The following ZFHX3 variants were observed in gnomAD, a reference collection of about 807,000 sequenced individuals.
ZFHX3 encodes zinc finger homeobox protein 3.
Under a neutral mutation model 279.1 loss-of-function variants are expected in ZFHX3, and 42 were observed. The observed-to-expected ratio is 0.15, with a 90% CI of 0.12 to 0.19. ZFHX3 has a LOEUF of 0.19. ZFHX3 is among the 10% of genes least tolerant of loss of function. ZFHX3 has a pLI of 1.00. For synonymous variants in ZFHX3, 2,293 were observed against 1,957.8 expected (o/e 1.17, Z -4.52); for missense variants, 4,981 against 4,754.0 (o/e 1.05, Z -1.40).
chr16:72,885,274 C>T (rs1044662118), intron 4 of ZFHX3, among the ~76,000 whole-genome samples: 13 of 152,250 alleles, frequency 8.5e-5, no homozygotes, highest in Non-Finnish European at 1.5e-4. Context: ...ACACAGCTGG[C>T]GGCCAAGGCT....
intron 3 of ZFHX3, among the ~76,000 whole-genome samples, chr16:72,933,327 T>G (rs949326612): frequency 1.3e-5 from 2 of 151,792 alleles, no homozygotes; most frequent in African/African-American, 2.4e-5. Context: ...CCCAGAGGAG[T>G]AGGAAGGTGG....
At chr16:73,466,551 T>C (rs1353162145) in intron 2 of ZFHX3, among the ~76,000 whole-genome samples, 2 of 152,156 alleles carry the variant, frequency 1.3e-5, no homozygotes, top group African/African-American at 4.8e-5. Flanking sequence ...CAAGCTTGAT[T>C]TAGTTACTTA....
At chr16:73,046,860 C>T (rs1396452427) in intron 1 of ZFHX3, among the ~76,000 whole-genome samples, 2 of 142,548 alleles carry the variant, frequency 1.4e-5, no homozygotes, top group African/African-American at 2.7e-5. Flanking sequence ...CTGTCAGTGG[C>T]TTTAGGGAGT....
At chr16:73,066,629 C>A (rs1448623091) in intron 8 of ZFHX3, among the ~76,000 whole-genome samples, 1 of 152,168 alleles carries the variant, frequency 6.6e-6, no homozygotes, top group East Asian at 1.9e-4. Flanking sequence ...TTCGATCACC[C>A]CATTATGCCC....
At chr16:73,065,266 G>A (rs1211732201) in intron 8 of ZFHX3, among the ~76,000 whole-genome samples, 2 of 152,190 alleles carry the variant, frequency 1.3e-5, no homozygotes, top group Non-Finnish European at 2.9e-5. Context: ...ACACGCAGGC[G>A]TGCGATAACG....
intron 2 of ZFHX3, among the ~76,000 whole-genome samples, chr16:73,475,698 C>G (rs1567495176): frequency 6.6e-6 from 1 of 152,032 alleles, no homozygotes. Context: ...TGAGAAAATA[C>G]TTTCTCCAAA....
intron 1 of ZFHX3, among the ~76,000 whole-genome samples, chr16:72,965,566 G>A (rs1383932043): frequency 6.6e-6 from 1 of 152,200 alleles, no homozygotes; most frequent in Non-Finnish European, 1.5e-5. Context: ...TGTACTATGT[G>A]TCAGTCAGAT....
At chr16:73,705,452 C>T (rs1418181134) in intron 1 of ZFHX3, among the ~76,000 whole-genome samples, 3 of 152,184 alleles carry the variant, frequency 2.0e-5, no homozygotes, top group Non-Finnish European at 2.9e-5. Flanking sequence ...CCAGTATACT[C>T]TGATGCTGCA....
rs748558508 is a variant in ZFHX3 at position 72,798,102 on chromosome 16, A to G, written c.4580T>C (p.Phe1527Ser). ...CATAGTAAAATTGGGACCTTTTCTGAAAGGCAGAGCTCTCTTTGGCTCTGA... is the reference window on the plus strand; with the variant it reads ...CATAGTAAAATTGGGACCTTTTCTGGAAGGCAGAGCTCTCTTTGGCTCTGA... The part of the protein sequence containing the change: ...SGSEPKRALP[F>S]RKGPNFTMEK... Residue 1527 changes from phenylalanine to serine, a missense_variant, in exon 9 of 10, where the codon TTC becomes TCC. Phe to Ser is a radical substitution (Grantham distance 155). Transcript: ENST00000268489. 20 of 1,614,118 alleles carry G rather than the reference A, an allele frequency of 1.2e-5. No homozygotes were observed. Among genetic ancestry groups the G allele is most frequent in the Non-Finnish European group, 1.5e-5 (18 of 1,180,050 alleles).
intron 1 of ZFHX3, among the ~76,000 whole-genome samples, chr16:73,711,862 A>G (rs1241598046): frequency 2.0e-5 from 3 of 152,166 alleles, no homozygotes; most frequent in Non-Finnish European, 2.9e-5. Context: ...TCTGGCTGGA[A>G]GAGATCTCAC....
intron 1 of ZFHX3, among the ~76,000 whole-genome samples, chr16:73,682,868 AAG>A (rs2053027402): frequency 1.1e-4 from 3 of 28,338 alleles, no homozygotes; most frequent in Admixed American, 5.0e-4. Flanking sequence ...GAAAGAAAGA[AAG>A]AAAGAAAGAA....
chr16:73,511,939 A>C (rs183846060), intron 2 of ZFHX3, among the ~76,000 whole-genome samples: 83 of 152,252 alleles, frequency 5.5e-4, no homozygotes, highest in African/African-American at 2.0e-3. Flanking sequence ...GCAAATACCC[A>C]ACATGAGCCA....
intron 2 of ZFHX3, among the ~76,000 whole-genome samples, 177 bp downstream of exon 2, chr16:72,957,250 T>C (rs1457363943): frequency 6.6e-6 from 1 of 152,182 alleles, no homozygotes; most frequent in Non-Finnish European, 1.5e-5. Context: ...CTTCCATATG[T>C]ACACACACAG....
At chr16:73,648,537 G>A (rs1403312833) in intron 2 of ZFHX3, among the ~76,000 whole-genome samples, 1 of 152,084 alleles carries the variant, frequency 6.6e-6, no homozygotes, top group African/African-American at 2.4e-5. Context: ...TTACAGACGT[G>A]CACAACCATG....
chr16:73,176,415 T>G (rs146619285), intron 5 of ZFHX3, among the ~76,000 whole-genome samples: 113 of 152,340 alleles, frequency 7.4e-4, no homozygotes, highest in African/African-American at 2.7e-3. Context: ...TTCCCATTTT[T>G]GTTCCTTATC....
chr16:72,900,262 A>C (rs1265827031), intron 3 of ZFHX3, among the ~76,000 whole-genome samples: 1 of 152,172 alleles, frequency 6.6e-6, no homozygotes, highest in Non-Finnish European at 1.5e-5. Flanking sequence ...AGGAGCAGGG[A>C]AGGGAGGAGA....
intron 1 of ZFHX3, among the ~76,000 whole-genome samples, chr16:72,987,470 A>C (rs948956441): frequency 6.6e-6 from 1 of 152,140 alleles, no homozygotes; most frequent in African/African-American, 2.4e-5. Flanking sequence ...GTTTAGGTAG[A>C]GGGACCTCTA....
intron 1 of ZFHX3, among the ~76,000 whole-genome samples, chr16:73,701,043 G>A (rs183469403): frequency 6.6e-6 from 1 of 152,126 alleles, no homozygotes; most frequent in African/African-American, 2.4e-5. Flanking sequence ...GTTTTATTCT[G>A]CAGCTTCTCT....
intron 5 of ZFHX3, among the ~76,000 whole-genome samples, chr16:73,251,107 C>T (rs186750156): frequency 6.6e-6 from 1 of 152,222 alleles, no homozygotes; most frequent in Non-Finnish European, 1.5e-5. Flanking sequence ...AAACTACGGG[C>T]AGTTAAAACT....
Sources: gnomAD v4.1 joint callset for allele counts (sites outside exome capture counted in the v4.1 genomes callset) on GRCh38, gnomAD v4.1.1 for gene constraint, MANE v1.5 for transcripts, NCBI Gene and HGNC (gene_info 2026-07-23, HGNC 2026-07-21) for gene names.